IDI1: variants seen among roughly 807,000 people sequenced by gnomAD.
IDI1 encodes the protein isopentenyl-diphosphate delta isomerase 1.
In IDI1, 23 loss-of-function variants were observed where a neutral mutation model predicts 32.9. The observed-to-expected ratio is 0.70, with a 90% CI of 0.50 to 0.99. The LOEUF (loss-of-function observed/expected upper bound fraction) is 0.99. IDI1 is among the 50% of genes least tolerant of loss of function. IDI1 has a pLI of 0.00. For synonymous variants in IDI1, 133 were observed against 128.2 expected (o/e 1.04, Z -0.25); for missense variants, 326 against 351.9 (o/e 0.93, Z 0.59).
intron 1 of IDI1, chr10:1,048,316 C>T (rs1057167409): frequency 3.1e-6 from 4 of 1,304,420 alleles, no homozygotes; most frequent in Non-Finnish European, 2.0e-6. Flanking sequence ...GGTCTAGTTC[C>T]ATCTATGCGA....
chr10:1,052,445 A>C (rs1008010057), upstream of IDI1, among the ~76,000 whole-genome samples: 2 of 152,250 alleles, frequency 1.3e-5, no homozygotes, highest in Admixed American at 1.3e-4. Flanking sequence ...GAGACTTGAA[A>C]GTCAAAATGA....
intron 1 of IDI1, 150 bp downstream of exon 1, chr10:1,048,714 G>T: frequency 7.0e-7 from 1 of 1,425,702 alleles, no homozygotes; most frequent in African/African-American, 1.5e-5. Flanking sequence ...TCCAGTTCGG[G>T]AGACCAACGC....
At chr10:1,055,070 A>G in the IDI1 span, among the ~76,000 whole-genome samples, 1 of 152,332 alleles carries the variant, frequency 6.6e-6, no homozygotes, top group Non-Finnish European at 1.5e-5. Flanking sequence ...CTGACAATAA[A>G]TTTGTTTAAG....
Position 1,043,441 on chromosome 10 carries a change from T to C in IDI1, c.314-48A>G, listed in dbSNP as rs779858547. 11 of 1,158,720 alleles carry C rather than the reference T, an allele frequency of 9.5e-6. No individual in the cohort carries two copies. In the South Asian group the frequency reaches 9.8e-5, roughly 10 times the overall value. The allele number at this position is 1,158,720 out of a possible 1,614,324, so 71.8% of individuals were successfully genotyped here. A position where few individuals can be genotyped will look rare whatever the true frequency, so the allele number is the denominator to read the frequency against. On this transcript the variant is annotated intron_variant, in intron 2 of 4. Transcript: ENST00000381344. ...TTATTTTAGCCTTAAGTACCAGTTA[T>C]TTGCCAAATTCTCTCCCTGCAGTTC...
At chr10:1,041,633 A>G in intron 4 of IDI1, 129 bp from the exon 5 acceptor site, 1 of 503,344 alleles carries the variant, frequency 2.0e-6, no homozygotes, top group Non-Finnish European at 3.5e-6. Flanking sequence ...ACTTGGTTAA[A>G]GCATTAATCT....
At chr10:1,049,145 T>A (rs1431194108), upstream of IDI1, 5 of 1,332,678 alleles carry the variant, frequency 3.8e-6, no homozygotes, top group African/African-American at 7.8e-5. Context: ...CTCTGGCGCC[T>A]TTAAGGGGGT....
intron 1 of IDI1, among the ~76,000 whole-genome samples, chr10:1,046,573 G>A (rs1422859333): frequency 2.5e-5 from 1 of 40,330 alleles, no homozygotes; most frequent in African/African-American, 1.0e-4. Context: ...ACACCACACA[G>A]CCCAGCTGCT....
At chr10:1,047,492 T>C (rs186562500) in intron 1 of IDI1, among the ~76,000 whole-genome samples, 48 of 98 alleles carry the variant, frequency 0.49, no homozygotes, top group Non-Finnish European at 0.5. Flanking sequence ...GCTGCTCCAC[T>C]GTCTACTGTC....
intron 2 of IDI1, 107 bp from the exon 3 acceptor site, chr10:1,043,500 T>C (rs768393602): frequency 2.6e-6 from 2 of 759,510 alleles, no homozygotes; most frequent in South Asian, 1.4e-5. Context: ...CTGCTTTTGC[T>C]TTTTCCCATG....
chr10:1,053,551 A>G (rs1334993544), upstream of IDI1, among the ~76,000 whole-genome samples: 1 of 152,144 alleles, frequency 6.6e-6, no homozygotes, highest in Non-Finnish European at 1.5e-5. Context: ...TTGTGTATTC[A>G]CTGTAGGAGC....
intron 2 of IDI1, 134 bp downstream of exon 2, chr10:1,043,865 A>G: frequency 1.4e-6 from 1 of 734,830 alleles, no homozygotes; most frequent in Non-Finnish European, 2.3e-6. Flanking sequence ...TGACCACACT[A>G]TTTAACGAAC....
At chr10:1,045,311 A>G (rs1384049925) in intron 1 of IDI1, among the ~76,000 whole-genome samples, 1 of 152,212 alleles carries the variant, frequency 6.6e-6, no homozygotes, top group Non-Finnish European at 1.5e-5. Context: ...ACCTTTACAT[A>G]GTCTGACCTT....
rs931193312 is a variant in IDI1 at position 1,044,025 on chromosome 10, C to T, written c.287G>A (p.Cys96Tyr). The change falls in exon 2 of 5, where the codon TGT becomes TAT. Residue 96 changes from cysteine (C) to tyrosine (Y), a missense_variant. Coordinates refer to ENST00000381344, the MANE Select transcript of IDI1 (RefSeq NM_004508.4). ...NKIGAETKKNCHLNENIEKGL... is the reference protein window; with the variant it reads ...NKIGAETKKNYHLNENIEKGL... ...TTTCTCAATGTTCTCGTTCAGGTGA[C>T]AATTCTTCTTGGTCTCAGCTCCAAT... 3 of 1,612,490 alleles carry T rather than the reference C, an allele frequency of 1.9e-6. No homozygotes were observed. The Admixed American group carries it at 5.0e-5, about 27-fold the overall frequency.
At chr10:1,056,109 G>C in the IDI1 span, among the ~76,000 whole-genome samples, 1 of 152,062 alleles carries the variant, frequency 6.6e-6, no homozygotes, top group Non-Finnish European at 1.5e-5. Context: ...GCCTGGCCTT[G>C]AGCTTCCTTT....
At chr10:1,043,488 T>C in intron 2 of IDI1, 95 bp from the exon 3 acceptor site, 1 of 791,346 alleles carries the variant, frequency 1.3e-6, no homozygotes, top group South Asian at 1.4e-5. Flanking sequence ...AGTAACTTGC[T>C]GCTGCTTTTG....
In IDI1 at chr10:1,048,949, C is replaced by T; in HGVS notation, c.55G>A (p.Gly19Ser). 6.4e-7 allele frequency: 1 copy of T among 1,572,850 alleles called. No individual in the cohort carries two copies. The highest frequency in any genetic ancestry group is 8.6e-7 in the Non-Finnish European group (1 of 1,162,974). ...TCTGCGGCGCGCACCGCCCACTGGCCCCGCCCCCGGGCCGCGCAGCCAATC... is the reference window on the plus strand; with the variant it reads ...TCTGCGGCGCGCACCGCCCACTGGCTCCGCCCCCGGGCCGCGCAGCCAATC... ...RAIGCAARGR[G>S]QWAVRAADCA... Residue 19 changes from glycine to serine, a missense_variant, in exon 1 of 5, where the codon GGC (glycine) becomes AGC (serine). By Grantham distance (56) the Gly-to-Ser change is moderately conservative. This residue lies in a region of IDI1 where 121 missense variants were observed against 78.4 expected (regional missense o/e 1.54). Coordinates refer to ENST00000381344, the MANE Select transcript of IDI1 (RefSeq NM_004508.4).
chr10:1,049,279 G>C (rs547566477), upstream of IDI1: 27 of 496,596 alleles, frequency 5.4e-5, no homozygotes, highest in Middle Eastern at 5.3e-4. Flanking sequence ...CGCTGCGAAC[G>C]GTGCCTAACG....
At chr10:1,054,230 A>C in the IDI1 span, among the ~76,000 whole-genome samples, 1 of 152,218 alleles carries the variant, frequency 6.6e-6, no homozygotes, top group Non-Finnish European at 1.5e-5. Context: ...TCCACTTTGT[A>C]AGAAACATAT....
intron 4 of IDI1, among the ~76,000 whole-genome samples, chr10:1,042,216 A>G (rs928140099): frequency 4.6e-5 from 7 of 152,190 alleles, no homozygotes; most frequent in African/African-American, 1.7e-4. Flanking sequence ...AAAAAAAATG[A>G]TTTCAATTAA....
Sources: gnomAD v4.1 joint callset for allele counts (sites outside exome capture counted in the v4.1 genomes callset) on GRCh38, gnomAD v4.1.1 for gene constraint, gnomAD v4.1.1 regional missense constraint, MANE v1.5 for transcripts, NCBI Gene and HGNC (gene_info 2026-07-23, HGNC 2026-07-21) for gene names.